Variants in KCNAB1 observed in about 807,000 individuals in gnomAD.
KCNAB1 encodes potassium voltage-gated channel subfamily A regulatory beta subunit 1.
In KCNAB1, 35 loss-of-function variants were observed where a neutral mutation model predicts 64.6. The ratio of observed to expected loss-of-function variants is 0.54; its 90% CI spans 0.41 to 0.72. The LOEUF is 0.72. Among genes scored for constraint, KCNAB1 ranks in the 30% least tolerant of loss-of-function variants. The pLI is 0.00. For synonymous variants in KCNAB1, 177 were observed against 183.8 expected (o/e 0.96, Z 0.30); for missense variants, 401 against 512.9 (o/e 0.78, Z 2.11).
chr3:156,413,234 A>G (rs1332915866), intron 1 of KCNAB1, among the ~76,000 whole-genome samples: 3 of 152,182 alleles, frequency 2.0e-5, no homozygotes, highest in African/African-American at 7.2e-5. Flanking sequence ...GCCTCTTGTA[A>G]AATTAAAAGA....
intron 1 of KCNAB1, among the ~76,000 whole-genome samples, chr3:156,282,687 T>C (rs1409016859): frequency 7.3e-6 from 1 of 136,782 alleles, no homozygotes; most frequent in African/African-American, 2.8e-5. Flanking sequence ...TAGTTAGCTC[T>C]TCTTGTTGAA....
intron 1 of KCNAB1, among the ~76,000 whole-genome samples, chr3:156,302,778 T>C (rs1721241842): frequency 1.3e-5 from 2 of 152,152 alleles, no homozygotes; most frequent in African/African-American, 4.8e-5. Flanking sequence ...ACAAACTAAA[T>C]TAAGGGGTCA....
rs139246091 is a variant in KCNAB1, at chr3:156,143,265, A to G, written c.275+22379A>G. 2.0e-5 allele frequency: 32 copies of G among 1,613,880 alleles called. No homozygotes were observed. In the African/African-American group the frequency reaches 4.1e-4, roughly 21 times the overall value. ...CCAGTGAATCGGCTCTAAAATGTAG[A>G]TGGCACCTAGCAGTGACCAAGACTC... On this transcript the variant is annotated intron_variant, in intron 1 of 13. Transcript: ENST00000490337.
At chr3:156,287,811 A>C (rs1215239969) in intron 1 of KCNAB1, among the ~76,000 whole-genome samples, 1 of 152,086 alleles carries the variant, frequency 6.6e-6, no homozygotes, top group Non-Finnish European at 1.5e-5. Context: ...AAAAAAAAAA[A>C]AACTCGAAAT....
intron 1 of KCNAB1, among the ~76,000 whole-genome samples, chr3:156,306,319 A>G (rs927408807): frequency 2.4e-4 from 36 of 152,316 alleles, no homozygotes; most frequent in Admixed American, 1.4e-3. Flanking sequence ...ACTAGGCAGC[A>G]GGGCCACTTG....
chr3:156,137,099 G>T (rs111498569), intron 1 of KCNAB1, among the ~76,000 whole-genome samples: 217 of 151,976 alleles, frequency 1.4e-3, no homozygotes, highest in African/African-American at 4.7e-3. Context: ...TGTCACAGGG[G>T]TTTGTTGTAC....
At chr3:156,154,037 C>T (rs758808738) in intron 1 of KCNAB1, among the ~76,000 whole-genome samples, 4 of 152,208 alleles carry the variant, frequency 2.6e-5, no homozygotes, top group Non-Finnish European at 5.9e-5. Context: ...TCTCATTGTA[C>T]TTTCCTCCAA....
intron 1 of KCNAB1, among the ~76,000 whole-genome samples, chr3:156,273,964 A>G (rs1035860408): frequency 2.0e-5 from 3 of 152,214 alleles, no homozygotes; most frequent in African/African-American, 7.2e-5. Flanking sequence ...CTCCCCAGGT[A>G]AGAAGTGAGT....
At chr3:156,193,595 G>C (rs1713703258) in intron 1 of KCNAB1, among the ~76,000 whole-genome samples, 1 of 152,092 alleles carries the variant, frequency 6.6e-6, no homozygotes, top group South Asian at 2.1e-4. Context: ...ATGGCAAAAG[G>C]GGAAGCAGGT....
intron 1 of KCNAB1, among the ~76,000 whole-genome samples, chr3:156,241,809 C>T (rs933825981): frequency 4.6e-5 from 7 of 152,046 alleles, no homozygotes; most frequent in Non-Finnish European, 7.4e-5. Context: ...ATGGAATAAA[C>T]TTTCCAGTGT....
intron 2 of KCNAB1, among the ~76,000 whole-genome samples, chr3:156,430,859 G>C (rs1716159441): frequency 6.6e-6 from 1 of 152,194 alleles, no homozygotes; most frequent in Non-Finnish European, 1.5e-5. Flanking sequence ...GTCAGGTGAT[G>C]TCATGATTAG....
intron 1 of KCNAB1, among the ~76,000 whole-genome samples, chr3:156,417,041 G>A (rs1715124246): frequency 1.3e-5 from 2 of 152,150 alleles, no homozygotes; most frequent in South Asian, 4.1e-4. Flanking sequence ...TCCCAAATGA[G>A]TCATTATTTA....
intron 2 of KCNAB1, among the ~76,000 whole-genome samples, chr3:156,447,093 G>A (rs928100993): frequency 6.6e-6 from 1 of 152,022 alleles, no homozygotes; most frequent in Non-Finnish European, 1.5e-5. Flanking sequence ...TAAGCGCCTG[G>A]TGAGCCCCTT....
chr3:156,134,686 G>T (rs1714200622), intron 1 of KCNAB1, among the ~76,000 whole-genome samples: 2 of 152,178 alleles, frequency 1.3e-5, no homozygotes, highest in Non-Finnish European at 2.9e-5. Context: ...AAACCATAGA[G>T]ATTTTATAAA....
chr3:156,495,341 A>G (rs1410098498), intron 8 of KCNAB1, among the ~76,000 whole-genome samples: 1 of 152,180 alleles, frequency 6.6e-6, no homozygotes, highest in African/African-American at 2.4e-5. Flanking sequence ...AAGACACAGA[A>G]GGAGAAATAC....
chr3:156,527,279 G>C (rs1182685520), intron 12 of KCNAB1, among the ~76,000 whole-genome samples: 3 of 151,958 alleles, frequency 2.0e-5, no homozygotes, highest in Non-Finnish European at 2.9e-5. Context: ...CTGTAAAATG[G>C]GTATAATAAT....
intron 2 of KCNAB1, among the ~76,000 whole-genome samples, chr3:156,445,129 C>T (rs959004373): frequency 6.6e-6 from 1 of 152,088 alleles, no homozygotes; most frequent in Non-Finnish European, 1.5e-5. Flanking sequence ...AACCTTGTCT[C>T]TAATAAAAAT....
chr3:156,480,491 C>A (rs1714710607), intron 8 of KCNAB1, among the ~76,000 whole-genome samples: 2 of 151,154 alleles, frequency 1.3e-5, no homozygotes, highest in African/African-American at 4.9e-5. Flanking sequence ...CACATGTATA[C>A]CTATGTAACA....
intron 1 of KCNAB1, among the ~76,000 whole-genome samples, chr3:156,206,890 T>A (rs1714697680): frequency 6.6e-6 from 1 of 152,070 alleles, no homozygotes; most frequent in African/African-American, 2.4e-5. Flanking sequence ...AGCAAAGGAC[T>A]TACACAAGAA....
Sources: allele counts gnomAD v4.1 joint callset (sites outside exome capture counted in the v4.1 genomes callset), GRCh38; gene constraint gnomAD v4.1.1; transcripts MANE v1.5; gene names NCBI Gene and HGNC (gene_info 2026-07-23, HGNC 2026-07-21).